ELAVL2: variants seen among roughly 807,000 people sequenced by gnomAD.
ELAVL2 encodes the protein ELAV like RNA binding protein 2.
Under a neutral mutation model 34.6 loss-of-function variants are expected in ELAVL2, and 4 were observed. The observed-to-expected ratio is 0.12, with a 90% CI of 0.06 to 0.26. The LOEUF is 0.26. Among genes scored for constraint, ELAVL2 ranks in the 10% least tolerant of loss-of-function variants. The probability of loss-of-function intolerance (pLI) is 1.00; values close to 1 mark genes in which losing one functional copy is unlikely to be tolerated. For synonymous variants in ELAVL2, 193 were observed against 154.8 expected (o/e 1.25, Z -1.83); for missense variants, 432 against 442.8 (o/e 0.98, Z 0.22).
At chr9:23,693,415 G>A (rs200428427) in intron 6 of ELAVL2, 33 bp downstream of exon 6, 4 of 1,612,960 alleles carry the variant, frequency 2.5e-6, no homozygotes, top group South Asian at 2.2e-5. Flanking sequence ...ACTGTGGAAA[G>A]GGATTATGAG....
intron 2 of ELAVL2, among the ~76,000 whole-genome samples, chr9:23,752,942 TG>T (rs2052522200): frequency 6.6e-6 from 1 of 152,168 alleles, no homozygotes; most frequent in African/African-American, 2.4e-5. Flanking sequence ...ACTGCGAATC[TG>T]TTTCTTCACA....
intron 1 of ELAVL2, among the ~76,000 whole-genome samples, chr9:23,807,785 C>A (rs946279530): frequency 3.3e-5 from 5 of 152,154 alleles, no homozygotes; most frequent in African/African-American, 4.8e-5. Context: ...GTTCTTACTG[C>A]ATCAATTAAT....
chr9:23,762,853 A>G (rs927516573), intron 1 of ELAVL2, among the ~76,000 whole-genome samples: 1 of 152,086 alleles, frequency 6.6e-6, no homozygotes, highest in Non-Finnish European at 1.5e-5. Flanking sequence ...TGGTAAGAAA[A>G]AAACAGATGC....
chr9:23,761,895 T>C, intron 2 of ELAVL2, 111 bp downstream of exon 2: 3 of 1,339,290 alleles, frequency 2.2e-6, no homozygotes, highest in Non-Finnish European at 3.0e-6. Context: ...AGAGAAAATC[T>C]AGATATGTAA....
At chr9:23,830,591 G>A (rs2065466900), upstream of ELAVL2, among the ~76,000 whole-genome samples, 1 of 88,232 alleles carries the variant, frequency 1.1e-5, no homozygotes, top group African/African-American at 3.8e-5. Flanking sequence ...TCCCTTCCCA[G>A]CCCCCCACTT....
At chr9:23,820,178 C>G (rs1240445590) in intron 1 of ELAVL2, among the ~76,000 whole-genome samples, 1 of 152,180 alleles carries the variant, frequency 6.6e-6, no homozygotes, top group African/African-American at 2.4e-5. Flanking sequence ...GGCAACAAAA[C>G]AATATTTCAA....
At position 23,690,899 on chromosome 9, in the gene ELAVL2, T is replaced by C. The variant is rs2032961856; in HGVS notation, c.*1658A>G. 1.3e-5 allele frequency: 2 copies of C among 152,702 alleles called. No homozygotes were observed. Among genetic ancestry groups the C allele is most frequent in the East Asian group, 3.9e-4 (2 of 5,194 alleles). The allele number at this position is 152,702 out of a possible 1,614,324, so 9.5% of individuals were successfully genotyped here. A position where few individuals can be genotyped will look rare whatever the true frequency, so the allele number is the denominator to read the frequency against. On this transcript the variant is annotated 3_prime_UTR_variant, in exon 7 of 7. Transcript: ENST00000397312. ...TTTCATACATGGTAAAGACTTATTT[T>C]ATTATTTCCCCAAATAGTGGTTTTT...
chr9:23,727,553 C>G (rs1392063562), intron 3 of ELAVL2, among the ~76,000 whole-genome samples: 2 of 152,060 alleles, frequency 1.3e-5, no homozygotes, highest in Non-Finnish European at 2.9e-5. Flanking sequence ...TTTGGTGATT[C>G]CCAAGTGCTA....
chr9:23,705,121 C>G, intron 3 of ELAVL2, 50 bp from the exon 4 acceptor site: 1 of 1,603,444 alleles, frequency 6.2e-7, no homozygotes, highest in Non-Finnish European at 8.5e-7. Flanking sequence ...ACTCACCCAC[C>G]TCCCTTTAGA....
At chr9:23,746,426 C>T (rs941739327) in intron 2 of ELAVL2, among the ~76,000 whole-genome samples, 17 of 152,108 alleles carry the variant, frequency 1.1e-4, no homozygotes, top group Admixed American at 2.0e-4. Context: ...AAGAAACACA[C>T]TGGAAGAGTC....
At chr9:23,794,194 A>ACC (rs1415830904) in intron 1 of ELAVL2, among the ~76,000 whole-genome samples, 1 of 152,154 alleles carries the variant, frequency 6.6e-6, no homozygotes, top group East Asian at 1.9e-4. Flanking sequence ...TCCCCTTCTA[A>ACC]CTTCAGGGTT....
chr9:23,827,544 T>C (rs895906577), upstream of ELAVL2, among the ~76,000 whole-genome samples: 1 of 152,176 alleles, frequency 6.6e-6, no homozygotes, highest in Non-Finnish European at 1.5e-5. Context: ...AATGTGTAAA[T>C]GTAATGTACA....
intron 2 of ELAVL2, among the ~76,000 whole-genome samples, chr9:23,738,760 G>A (rs1202156140): frequency 1.3e-5 from 2 of 152,256 alleles, no homozygotes; most frequent in African/African-American, 4.8e-5. Flanking sequence ...TGCAAATAGT[G>A]ATCATTTGGT....
intron 2 of ELAVL2, among the ~76,000 whole-genome samples, chr9:23,753,425 T>TAA (rs146021662): frequency 6.7e-6 from 1 of 148,940 alleles, no homozygotes; most frequent in African/African-American, 2.5e-5. Context: ...TAAACAAAGT[T>TAA]AAAAAAAAAA....
chr9:23,718,901 A>AC (rs1319859803), intron 3 of ELAVL2, among the ~76,000 whole-genome samples: 2 of 152,184 alleles, frequency 1.3e-5, no homozygotes, highest in African/African-American at 4.8e-5. Flanking sequence ...TCTATTAGAC[A>AC]CCTGAGCTGT....
chr9:23,690,651 T>G lies in ELAVL2; in HGVS notation c.*1906A>C, dbSNP rs1344383569. The stretch of plus-strand genomic sequence containing the variant: ...AACTACAATTTTAAATAATAAAAAA[T>G]AAAACTCAAAGCAACCGCAAAGATA... On this transcript the variant is annotated 3_prime_UTR_variant, in exon 7 of 7. Coordinates refer to ENST00000397312, the MANE Select transcript of ELAVL2 (RefSeq NM_004432.5). 6.6e-6 allele frequency: 1 copy of G among 152,468 alleles called. No individual in the cohort carries two copies. Among genetic ancestry groups the G allele is most frequent in the Non-Finnish European group, 1.5e-5 (1 of 67,976 alleles). 9.4% of individuals were successfully genotyped at this position (152,468 alleles called of 1,614,324 possible).
intron 1 of ELAVL2, among the ~76,000 whole-genome samples, chr9:23,815,954 T>A (rs2063645066): frequency 6.6e-6 from 1 of 152,092 alleles, no homozygotes; most frequent in Non-Finnish European, 1.5e-5. Flanking sequence ...CATCACTAAC[T>A]CAACAGCAGA....
At chr9:23,764,522 T>C (rs775958804) in intron 1 of ELAVL2, among the ~76,000 whole-genome samples, 17 of 152,180 alleles carry the variant, frequency 1.1e-4, no homozygotes, top group African/African-American at 1.9e-4. Context: ...ATTCCATTGA[T>C]AGGCTCAACA....
intron 3 of ELAVL2, among the ~76,000 whole-genome samples, chr9:23,715,077 T>A (rs1264947941): frequency 2.0e-5 from 3 of 152,156 alleles, no homozygotes; most frequent in Non-Finnish European, 2.9e-5. Context: ...AACTAAGTCT[T>A]ATATGATGCC....
Sources: gnomAD v4.1 joint callset for allele counts (sites outside exome capture counted in the v4.1 genomes callset) on GRCh38, gnomAD v4.1.1 for gene constraint, MANE v1.5 for transcripts, NCBI Gene and HGNC (gene_info 2026-07-23, HGNC 2026-07-21) for gene names.